The following ALS2 variants were observed in gnomAD, a reference collection of about 807,000 sequenced individuals.
ALS2 encodes the protein alsin.
ALS2 carries 117 observed loss-of-function variants against 203.4 expected under a neutral mutation model. That is an observed-to-expected ratio of 0.58 (90% CI 0.50 to 0.67). ALS2 has a LOEUF of 0.67. Among genes scored for constraint, ALS2 ranks in the 30% least tolerant of loss-of-function variants. The pLI is 0.00. For synonymous variants in ALS2, 718 were observed against 725.9 expected (o/e 0.99, Z 0.17); for missense variants, 1,715 against 1,989.4 (o/e 0.86, Z 2.62).
chr2:201,761,093 C>A lies in ALS2; in HGVS notation c.901G>T (p.Val301Phe). ...CTTACTGCATTCAGTTCAGTAGCAA[C>A]AGACTGATCATTTGCTACAAGAGTG... Reference protein sequence around the residue: ...ENTLVANDQSVATELNAVSAQ... With the variant: ...ENTLVANDQSFATELNAVSAQ... Residue 301 changes from valine to phenylalanine, a missense_variant, in exon 4 of 34, where the codon GTT (valine) becomes TTT (phenylalanine). By Grantham distance (50) the Val-to-Phe change is conservative. This residue lies in a region of ALS2 where 476 missense variants were observed against 539.3 expected (regional missense o/e 0.88). Coordinates refer to ENST00000264276, the MANE Select transcript of ALS2 (RefSeq NM_020919.4). 6.2e-7 allele frequency: 1 copy of A among 1,614,198 alleles called. No homozygotes were observed. Among genetic ancestry groups the A allele is most frequent in the Non-Finnish European group, 8.5e-7 (1 of 1,180,044 alleles).
At chr2:201,705,049 G>C (rs957274906) in intron 31 of ALS2, 90 bp downstream of exon 31, 19 of 1,298,670 alleles carry the variant, frequency 1.5e-5, no homozygotes, top group Non-Finnish European at 1.8e-5. Context: ...GATGCTTAAG[G>C]CTTAGGTAAA....
rs369532783 is a variant in ALS2, at chr2:201,746,554, A to G, written c.1998+12T>C. The G allele has an allele frequency of 1.9e-6, 3 of 1,613,874 alleles. No homozygotes were observed. Among genetic ancestry groups the G allele is most frequent in the Non-Finnish European group, 2.5e-6 (3 of 1,179,888 alleles). The stretch of plus-strand genomic sequence containing the variant: ...TACTGAATGTGGGCCTTAGGATCCA[A>G]TTCCTGTTCACCTTACTACAGGAGA... On this transcript the variant is annotated intron_variant, in intron 9 of 33. Coordinates refer to ENST00000264276, the MANE Select transcript of ALS2 (RefSeq NM_020919.4).
At chr2:201,754,429 G>C in intron 6 of ALS2, 74 bp downstream of exon 6, 1 of 1,584,882 alleles carries the variant, frequency 6.3e-7, no homozygotes, top group Admixed American at 1.7e-5. Context: ...AGGAAAGTGA[G>C]ATTTAGAGAC....
intron 1 of ALS2, among the ~76,000 whole-genome samples, chr2:201,771,196 G>A (rs931270013): frequency 1.3e-5 from 2 of 151,770 alleles, no homozygotes; most frequent in Non-Finnish European, 2.9e-5. Context: ...ACAGGCACCC[G>A]CCATTACGCC....
At chr2:201,706,483 T>A (rs577333657) in intron 29 of ALS2, among the ~76,000 whole-genome samples, 2 of 149,194 alleles carry the variant, frequency 1.3e-5, no homozygotes, top group African/African-American at 4.9e-5. Context: ...ATGCCAAAGA[T>A]ATGTATTCTG....
intron 28 of ALS2, among the ~76,000 whole-genome samples, chr2:201,707,488 G>A (rs868296468): frequency 2.0e-5 from 3 of 151,910 alleles, no homozygotes; most frequent in African/African-American, 7.3e-5. Context: ...GAGCGCAATG[G>A]TGCAGTCACA....
chr2:201,705,941 T>C, intron 29 of ALS2, among the ~76,000 whole-genome samples: 1 of 84,896 alleles, frequency 1.2e-5, no homozygotes. Context: ...AAAGCAAGAC[T>C]CCGTCTCAAA....
chr2:201,724,585 T>G, intron 20 of ALS2, 126 bp from the exon 21 acceptor site: 1 of 1,019,616 alleles, frequency 9.8e-7, no homozygotes, highest in Non-Finnish European at 1.5e-6. Flanking sequence ...GTTTATATGA[T>G]TATTTTTCAC....
At chr2:201,729,744 G>A (rs1691429611) in intron 13 of ALS2, among the ~76,000 whole-genome samples, 1 of 151,922 alleles carries the variant, frequency 6.6e-6, no homozygotes, top group Non-Finnish European at 1.5e-5. Context: ...AGCCGGGTGT[G>A]GTGGCGGGCG....
At chr2:201,741,918 G>A (rs1299873850) in intron 10 of ALS2, 64 bp from the exon 11 acceptor site, 2 of 1,332,278 alleles carry the variant, frequency 1.5e-6, no homozygotes, top group Non-Finnish European at 2.1e-6. Flanking sequence ...ATTATGATGT[G>A]ATTATGATTA....
At chr2:201,717,123 T>C (rs1690454066) in intron 24 of ALS2, among the ~76,000 whole-genome samples, 1 of 152,080 alleles carries the variant, frequency 6.6e-6, no homozygotes, top group South Asian at 2.1e-4. Flanking sequence ...TGTGTGTGTG[T>C]ATGTTCTTTA....
chr2:201,703,587 T>C (rs1452922124), intron 33 of ALS2, among the ~76,000 whole-genome samples: 1 of 152,220 alleles, frequency 6.6e-6, no homozygotes, highest in Non-Finnish European at 1.5e-5. Context: ...CAATAAACTT[T>C]AGAGTGATTC....
intron 12 of ALS2, among the ~76,000 whole-genome samples, chr2:201,738,051 A>G (rs917312334): frequency 8.5e-5 from 13 of 152,192 alleles, no homozygotes; most frequent in African/African-American, 3.1e-4. Context: ...CTATAATTCC[A>G]GCACTTTGGG....
intron 13 of ALS2, among the ~76,000 whole-genome samples, chr2:201,729,490 C>G (rs1299508100): frequency 6.6e-6 from 1 of 152,004 alleles, no homozygotes; most frequent in Non-Finnish European, 1.5e-5. Flanking sequence ...GTCTCGGGAT[C>G]CCTTTATTTT....
chr2:201,740,742 G>A (rs1354341977), intron 11 of ALS2, among the ~76,000 whole-genome samples: 1 of 152,202 alleles, frequency 6.6e-6, no homozygotes, highest in Admixed American at 6.5e-5. Flanking sequence ...AATACACTAA[G>A]ATGATAAACA....
At chr2:201,737,397 A>G (rs1280081640) in intron 12 of ALS2, among the ~76,000 whole-genome samples, 3 of 152,202 alleles carry the variant, frequency 2.0e-5, no homozygotes, top group African/African-American at 7.2e-5. Context: ...GCAATGTATT[A>G]AAACCTTAAT....
At chr2:201,774,245 A>C (rs1023840971) in intron 1 of ALS2, among the ~76,000 whole-genome samples, 4 of 152,198 alleles carry the variant, frequency 2.6e-5, no homozygotes, top group Non-Finnish European at 5.9e-5. Flanking sequence ...GGGCAGAGCC[A>C]AAGTCCCAGA....
At chr2:201,729,667 T>G (rs1691423319) in intron 13 of ALS2, among the ~76,000 whole-genome samples, 1 of 151,852 alleles carries the variant, frequency 6.6e-6, no homozygotes, top group Non-Finnish European at 1.5e-5. Context: ...GATCACGAGG[T>G]CAGGAGATCA....
intron 9 of ALS2, among the ~76,000 whole-genome samples, chr2:201,745,248 G>A (rs1398000330): frequency 6.6e-6 from 1 of 152,178 alleles, no homozygotes; most frequent in Non-Finnish European, 1.5e-5. Context: ...ACAGGGTCTT[G>A]CTATGTTGCC....
Sources: allele counts gnomAD v4.1 joint callset (sites outside exome capture counted in the v4.1 genomes callset), GRCh38; gene constraint gnomAD v4.1.1; regional missense constraint gnomAD v4.1.1; transcripts MANE v1.5; gene names NCBI Gene and HGNC (gene_info 2026-07-23, HGNC 2026-07-21).